The following BCOR variants were observed in gnomAD, a reference collection of about 807,000 sequenced individuals.
BCOR encodes BCL6 corepressor, also known as BCL-6 corepressor.
Under a neutral mutation model 86.7 loss-of-function variants are expected in BCOR, and 10 were observed. The observed-to-expected ratio is 0.12, with a 90% CI of 0.07 to 0.20. BCOR has a LOEUF of 0.20. BCOR is among the 10% of genes least tolerant of loss of function. The probability of loss-of-function intolerance (pLI) is 1.00; values close to 1 mark genes in which losing one functional copy is unlikely to be tolerated. For synonymous variants in BCOR, 611 were observed against 609.0 expected (o/e 1.00, Z -0.05); for missense variants, 1,259 against 1,452.1 (o/e 0.87, Z 2.16).
intron 1 of BCOR, among the ~76,000 whole-genome samples, chrX:40,121,303 C>T (rs5963742): frequency 0.19 from 20,986 of 110,457 alleles, 2,068 homozygotes; most frequent in African/African-American, 0.38. Context: ...TCCCTCCACC[C>T]GCTTCACTTA....
At position 40,072,447 on chromosome X, in the gene BCOR, C is replaced by T. The variant is rs1935521946; in HGVS notation, c.2899G>A (p.Ala967Thr). The T allele has an allele frequency of 1.7e-6, 2 of 1,211,206 alleles. No homozygotes were observed. Among genetic ancestry groups the T allele is most frequent in the East Asian group, 3.0e-5 (1 of 33,851 alleles). The stretch of plus-strand genomic sequence containing the variant: ...TCACCCACGTAACCCGCTGAGTTGG[C>T]GATTCTCTTTGCCAGCTTAGATGGC... ...PKPSKLAKRI[A>T]NSAGYVGDRF... Residue 967 changes from alanine (A) to threonine (T), a missense_variant, in exon 4 of 15, where the codon GCC (alanine) becomes ACC (threonine). Ala to Thr is a moderately conservative substitution (Grantham distance 58, BLOSUM62 0). Transcript: ENST00000378444.
chrX:40,085,139 G>A (rs1344376745), intron 1 of BCOR, among the ~76,000 whole-genome samples: 1 of 113,267 alleles, frequency 8.8e-6, no homozygotes, highest in Non-Finnish European at 1.9e-5. Flanking sequence ...GAGCAGATGT[G>A]AGCGAGCTGG....
intron 1 of BCOR, among the ~76,000 whole-genome samples, chrX:40,112,196 T>A (rs769726016): frequency 2.8e-4 from 31 of 111,708 alleles, no homozygotes; most frequent in African/African-American, 9.8e-4. Context: ...GGCTTTTCTA[T>A]GCTCTACCAG....
chrX:40,168,495 T>TG (rs1360998872), intron 1 of BCOR, among the ~76,000 whole-genome samples: 1 of 113,069 alleles, frequency 8.8e-6, no homozygotes, highest in African/African-American at 3.2e-5. Context: ...CAAAGCTACG[T>TG]GGAGGGTCTC....
chrX:40,169,411 T>C (rs1938572177), intron 1 of BCOR, among the ~76,000 whole-genome samples: 1 of 112,141 alleles, frequency 8.9e-6, no homozygotes, highest in African/African-American at 3.2e-5. Context: ...TAACTGTTAA[T>C]TGTCGAAATC....
intron 1 of BCOR, among the ~76,000 whole-genome samples, chrX:40,136,037 A>C (rs1301453635): frequency 8.9e-6 from 1 of 111,750 alleles, no homozygotes; most frequent in Non-Finnish European, 1.9e-5. Flanking sequence ...CATCCCACCG[A>C]TGTCAGGCCA....
intron 1 of BCOR, among the ~76,000 whole-genome samples, chrX:40,125,312 C>A (rs1023124523): frequency 6.3e-5 from 7 of 111,683 alleles, no homozygotes; most frequent in Non-Finnish European, 1.1e-4. Context: ...CAGCTCAAGT[C>A]AACCTTTGTC....
chrX:40,102,526 T>C (rs1285085543), upstream of BCOR, among the ~76,000 whole-genome samples: 2 of 113,907 alleles, frequency 1.8e-5, no homozygotes, highest in Non-Finnish European at 3.7e-5. Context: ...CGGCTGCTTA[T>C]TTAGCAAGGC....
intron 10 of BCOR, among the ~76,000 whole-genome samples, chrX:40,059,273 G>T (rs761216138): frequency 2.2e-4 from 25 of 112,399 alleles, no homozygotes; most frequent in African/African-American, 8.1e-4. Flanking sequence ...ACAGTGACCT[G>T]TGAGATCTCA....
At chrX:40,103,487 G>A (rs1340881131) in intron 1 of BCOR, among the ~76,000 whole-genome samples, 1 of 110,733 alleles carries the variant, frequency 9.0e-6, no homozygotes. Context: ...AAGGAGGGGA[G>A]AAGTTCAGAA....
intron 1 of BCOR, among the ~76,000 whole-genome samples, chrX:40,117,980 C>T (rs900407521): frequency 9.5e-6 from 1 of 105,464 alleles, no homozygotes; most frequent in African/African-American, 3.6e-5. Flanking sequence ...CTCTCTCTCT[C>T]TCCACCCCCC....
chrX:40,085,546 G>A (rs1376690582), intron 1 of BCOR, among the ~76,000 whole-genome samples: 1 of 111,799 alleles, frequency 8.9e-6, no homozygotes, highest in Non-Finnish European at 1.9e-5. Context: ...AGATGTAGAA[G>A]TCCATGTTAA....
At chrX:40,053,618 T>C (rs1003899221) in intron 14 of BCOR, among the ~76,000 whole-genome samples, 9 of 111,816 alleles carry the variant, frequency 8.0e-5, no homozygotes, top group African/African-American at 2.6e-4. Flanking sequence ...AAAGTTCCAG[T>C]CACCCACTTC....
At chrX:40,107,130 TTTTTA>T (rs765661850) in intron 1 of BCOR, among the ~76,000 whole-genome samples, 2 of 112,118 alleles carry the variant, frequency 1.8e-5, no homozygotes, top group Admixed American at 9.4e-5. Context: ...GTGCGTGTGG[TTTTTA>T]TTTTAAGGAT....
At chrX:40,107,585 C>A (rs1033916674) in intron 1 of BCOR, among the ~76,000 whole-genome samples, 1 of 113,561 alleles carries the variant, frequency 8.8e-6, no homozygotes, top group Admixed American at 9.2e-5. Flanking sequence ...TCCGAGGCCC[C>A]GCGATTAGTC....
chrX:40,066,187 C>T (rs1318394294), intron 6 of BCOR, among the ~76,000 whole-genome samples: 1 of 111,772 alleles, frequency 8.9e-6, no homozygotes, highest in Admixed American at 9.5e-5. Context: ...GGAATACCAC[C>T]CCAGGTCTCT....
chrX:40,109,419 C>T (rs1345380099), intron 1 of BCOR, among the ~76,000 whole-genome samples: 2 of 112,418 alleles, frequency 1.8e-5, no homozygotes, highest in African/African-American at 6.4e-5. Flanking sequence ...GAGGTGCTGC[C>T]CCTCCCCCAC....
intron 1 of BCOR, among the ~76,000 whole-genome samples, chrX:40,165,697 C>G (rs751347529): frequency 1.8e-5 from 2 of 112,712 alleles, no homozygotes; most frequent in African/African-American, 3.2e-5. Context: ...GTAACACAAA[C>G]CTTCCTACTT....
intron 1 of BCOR, among the ~76,000 whole-genome samples, chrX:40,148,681 C>A (rs1938110724): frequency 9.0e-6 from 1 of 111,193 alleles, no homozygotes; most frequent in Admixed American, 9.6e-5. Flanking sequence ...TGACAATTTA[C>A]AAAAGCCTTT....
Sources: allele counts gnomAD v4.1 joint callset (sites outside exome capture counted in the v4.1 genomes callset), GRCh38; gene constraint gnomAD v4.1.1; transcripts MANE v1.5; gene names NCBI Gene and HGNC (gene_info 2026-07-23, HGNC 2026-07-21).